Variants in NUDT3 observed in about 807,000 individuals in gnomAD.
The protein encoded by NUDT3 is nudix hydrolase 3, also known as diphosphoinositol polyphosphate phosphohydrolase 1.
A neutral mutation model predicts 23.6 loss-of-function variants in NUDT3; 9 were observed. That is an observed-to-expected ratio of 0.38 (90% CI 0.23 to 0.66). The LOEUF (loss-of-function observed/expected upper bound fraction) is 0.66, where lower values mean the gene tolerates loss of function less well. Among genes scored for constraint, NUDT3 ranks in the 30% least tolerant of loss-of-function variants. NUDT3 has a pLI of 0.52. For missense variants in NUDT3, 172 were observed against 218.5 expected, an observed-to-expected ratio of 0.79 and a Z score of 1.34; for synonymous variants, 86 against 82.6, an observed-to-expected ratio of 1.04 and a Z score of -0.22.
chr6:34,350,573 TATGAG>T lies in NUDT3; in HGVS notation c.100-8606_100-8602del, dbSNP rs1365371671. Reference sequence around the variant, plus strand: ...TGTTTAAAAGATGAGTAAAGCTGAGTATGAGGTTAAATAACTTGCTGAAAGTAAAT... The same window carrying T: ...TGTTTAAAAGATGAGTAAAGCTGAGTGTTAAATAACTTGCTGAAAGTAAAT... On this transcript the variant is annotated intron_variant, in intron 1 of 4. Coordinates refer to ENST00000607016, the MANE Select transcript of NUDT3 (RefSeq NM_006703.4). Among the ~76,000 whole-genome samples, 16 of 150,900 alleles carry T rather than the reference TATGAG, an allele frequency of 1.1e-4. 3 individuals are homozygous for T. The highest frequency in any genetic ancestry group is 3.7e-4 in the African/African-American group (15 of 40,560).
At chr6:34,325,227 T>G (rs1764007468) in intron 2 of NUDT3, among the ~76,000 whole-genome samples, 1 of 152,064 alleles carries the variant, frequency 6.6e-6, no homozygotes, top group South Asian at 2.1e-4. Context: ...ATAATGAATT[T>G]TTTTTTCTTT....
chr6:34,320,506 G>A (rs776575828), intron 2 of NUDT3, among the ~76,000 whole-genome samples: 1 of 152,124 alleles, frequency 6.6e-6, no homozygotes, highest in African/African-American at 2.4e-5. Flanking sequence ...ACAGGCGTGA[G>A]CCACTGCACC....
intron 2 of NUDT3, among the ~76,000 whole-genome samples, chr6:34,326,219 CTAATTT>C (rs1394258481): frequency 2.6e-5 from 4 of 152,216 alleles, no homozygotes; most frequent in Non-Finnish European, 4.4e-5. Context: ...GATACACTTT[CTAATTT>C]TAAGAATTTA....
chr6:34,307,949 T>C (rs1763706424), intron 2 of NUDT3, among the ~76,000 whole-genome samples: 1 of 150,910 alleles, frequency 6.6e-6, no homozygotes, highest in South Asian at 2.1e-4. Flanking sequence ...TGAAACCCCA[T>C]CTCTCCTAAA....
intron 1 of NUDT3, among the ~76,000 whole-genome samples, chr6:34,364,390 C>T (rs1464025496): frequency 6.6e-6 from 1 of 152,156 alleles, no homozygotes; most frequent in East Asian, 1.9e-4. Flanking sequence ...ATATATCCGA[C>T]AGCAGCTCAA....
chr6:34,313,146 G>A (rs1489733638), intron 2 of NUDT3, among the ~76,000 whole-genome samples: 1 of 152,104 alleles, frequency 6.6e-6, no homozygotes, highest in Admixed American at 6.6e-5. Context: ...CTGCACTCCG[G>A]CCTGGGTGAC....
Position 34,392,373 on chromosome 6 carries a change from C to CGGGTGG in NUDT3, c.-17_-12dup. The CGGGTGG allele has an allele frequency of 6.3e-7, 1 of 1,595,244 alleles. No homozygotes were observed. The highest frequency in any genetic ancestry group is 2.3e-5 in the East Asian group (1 of 42,820). On this transcript the variant is annotated 5_prime_UTR_variant, in exon 1 of 5. Coordinates refer to ENST00000607016, the MANE Select transcript of NUDT3 (RefSeq NM_006703.4). ...CTTGAGCTTCATCATCCTCCGGGCC[C>CGGGTGG]GGGTGGGGGTGCGGTGCGGGTCGCA...
intron 2 of NUDT3, among the ~76,000 whole-genome samples, chr6:34,337,303 G>A (rs192905752): frequency 1.4e-4 from 21 of 152,290 alleles, no homozygotes; most frequent in Admixed American, 3.3e-4. Context: ...ACGGCAGGCA[G>A]AGCATGCCTG....
intron 1 of NUDT3, 114 bp from the exon 2 acceptor site, chr6:34,342,086 T>A: frequency 4.5e-6 from 4 of 897,834 alleles, no homozygotes; most frequent in Non-Finnish European, 6.6e-6. Context: ...TCTTTGTTTA[T>A]GCCTTCCCAA....
intron 1 of NUDT3, among the ~76,000 whole-genome samples, chr6:34,363,844 C>T (rs1292329934): frequency 6.6e-6 from 1 of 151,884 alleles, no homozygotes; most frequent in Non-Finnish European, 1.5e-5. Context: ...GCGATCTCAG[C>T]TCACTGCAAC....
At chr6:34,314,097 CA>C (rs994487327) in intron 2 of NUDT3, among the ~76,000 whole-genome samples, 139 of 134,574 alleles carry the variant, frequency 1.0e-3, no homozygotes, top group Non-Finnish European at 1.0e-3. Context: ...AACTCCGTCT[CA>C]AAAAAAAAAA....
At chr6:34,291,157 G>T (rs1455882184) in intron 4 of NUDT3, among the ~76,000 whole-genome samples, 1 of 151,820 alleles carries the variant, frequency 6.6e-6, no homozygotes, top group Admixed American at 6.6e-5. Flanking sequence ...TGGGGTTTCA[G>T]CATGTTGGAC....
chr6:34,297,760 AT>A lies in NUDT3; in HGVS notation c.211-2076del, dbSNP rs1348385184. 1.2e-3 allele frequency among the ~76,000 whole-genome samples: 64 copies of A among 53,626 alleles called. 1 individual carries two copies. Among genetic ancestry groups the A allele is most frequent in the Admixed American group, 3.1e-3 (12 of 3,850 alleles). 35.2% of individuals were successfully genotyped at this position (53,626 alleles called of 152,430 possible). ...ATATATATATATATATATATATATA[AT>A]TTTTTTTTTTTTTTTAGTAGAGACG... On this transcript the variant is annotated intron_variant, in intron 2 of 4. Coordinates refer to ENST00000607016, the MANE Select transcript of NUDT3 (RefSeq NM_006703.4).
In NUDT3 at chr6:34,287,810, T is replaced by C. The variant is rs1160461946; in HGVS notation, c.*943A>G. On this transcript the variant is annotated 3_prime_UTR_variant, in exon 5 of 5. Coordinates refer to ENST00000607016, the MANE Select transcript of NUDT3 (RefSeq NM_006703.4). ...CAAACCAGCAGAACAGAAATGGACC[T>C]GATGCTCCAGTTTTTTAGATAAGTA... 6.6e-6 allele frequency: 1 copy of C among 152,232 alleles called. No homozygotes were observed. Among genetic ancestry groups the C allele is most frequent in the African/African-American group, 2.4e-5 (1 of 41,468 alleles). 9.4% of individuals were successfully genotyped at this position (152,232 alleles called of 1,614,324 possible). A position where few individuals can be genotyped will look rare whatever the true frequency, so the allele number is the denominator to read the frequency against.
At position 34,358,540 on chromosome 6, in the gene NUDT3, T is replaced by C. The variant is rs1764598815; in HGVS notation, c.100-16568A>G. On this transcript the variant is annotated intron_variant, in intron 1 of 4. Coordinates refer to ENST00000607016, the MANE Select transcript of NUDT3 (RefSeq NM_006703.4). ...GGAGTCACAGAAAATTTTCACAGGTTAGTATTAAAATACTAATTCCACACA... is the reference window on the plus strand; with the variant it reads ...GGAGTCACAGAAAATTTTCACAGGTCAGTATTAAAATACTAATTCCACACA... Among the ~76,000 whole-genome samples, 7 of 152,286 alleles carry C rather than the reference T, an allele frequency of 4.6e-5. No individual in the cohort carries two copies. The South Asian group carries it at 1.2e-3, about 27-fold the overall frequency.
chr6:34,361,042 G>C (rs1764643269), intron 1 of NUDT3, among the ~76,000 whole-genome samples: 1 of 152,020 alleles, frequency 6.6e-6, no homozygotes, highest in Non-Finnish European at 1.5e-5. Flanking sequence ...GGGCAACATA[G>C]CAAGACCCCA....
intron 2 of NUDT3, among the ~76,000 whole-genome samples, chr6:34,325,214 T>C (rs1485697591): frequency 1.3e-5 from 2 of 151,644 alleles, no homozygotes; most frequent in African/African-American, 2.4e-5. Flanking sequence ...CTGATTACTT[T>C]ATATAATGAA....
chr6:34,366,421 C>A (rs1352060456), intron 1 of NUDT3, among the ~76,000 whole-genome samples: 2 of 135,990 alleles, frequency 1.5e-5, no homozygotes, highest in Admixed American at 1.7e-4. Flanking sequence ...AGAGAAACAG[C>A]AAGAGAGAGA....
At chr6:34,321,258 T>C (rs1344593075) in intron 2 of NUDT3, among the ~76,000 whole-genome samples, 1 of 151,828 alleles carries the variant, frequency 6.6e-6, no homozygotes, top group African/African-American at 2.4e-5. Context: ...GGCAACACAG[T>C]GAAACCCCAT....
Sources: gnomAD v4.1 joint callset for allele counts (sites outside exome capture counted in the v4.1 genomes callset) on GRCh38, gnomAD v4.1.1 for gene constraint, MANE v1.5 for transcripts, NCBI Gene and HGNC (gene_info 2026-07-23, HGNC 2026-07-21) for gene names.